The following SYTL5 variants were observed in gnomAD, a reference collection of about 807,000 sequenced individuals.
The protein encoded by SYTL5 is synaptotagmin like 5, also known as synaptotagmin-like protein 5.
A neutral mutation model predicts 55.9 loss-of-function variants in SYTL5; 34 were observed. The ratio of observed to expected loss-of-function variants is 0.61; its 90% CI spans 0.46 to 0.81. The LOEUF is 0.81. Among genes scored for constraint, SYTL5 ranks in the 30% least tolerant of loss-of-function variants. The pLI, the probability that SYTL5 is intolerant of heterozygous loss-of-function variation, is 0.00. For synonymous variants in SYTL5, 221 were observed against 188.7 expected (o/e 1.17, Z -1.40); for missense variants, 637 against 546.7 (o/e 1.17, Z -1.65).
At chrX:37,987,506 T>C in the SYTL5 span, among the ~76,000 whole-genome samples, 2 of 112,454 alleles carry the variant, frequency 1.8e-5, no homozygotes, top group South Asian at 7.4e-4. Context: ...AAGGATGAGA[T>C]AGATAATGCC....
chrX:38,124,362 G>A (rs746029870), intron 15 of SYTL5, among the ~76,000 whole-genome samples: 1 of 111,527 alleles, frequency 9.0e-6, no homozygotes, highest in South Asian at 3.7e-4. Context: ...GTCTTTGCTT[G>A]GTACATGAAA....
intron 2 of SYTL5, among the ~76,000 whole-genome samples, chrX:38,038,231 C>A (rs186968985): frequency 7.2e-5 from 8 of 111,855 alleles, no homozygotes; most frequent in Admixed American, 4.7e-4. Context: ...TAAGTTGATA[C>A]AAATAATTAA....
the SYTL5 span, among the ~76,000 whole-genome samples, chrX:37,955,061 C>T: frequency 0.36 from 39,553 of 109,524 alleles, 5,171 homozygotes; most frequent in East Asian, 0.6. Context: ...TTACCACTAA[C>T]GAGATACGAG....
chrX:38,078,583 A>G (rs1465674140), intron 6 of SYTL5, among the ~76,000 whole-genome samples: 1 of 112,149 alleles, frequency 8.9e-6, no homozygotes, highest in Non-Finnish European at 1.9e-5. Context: ...AAAGAAAAAA[A>G]AAAGGCTGCC....
At chrX:37,945,019 A>G in the SYTL5 span, among the ~76,000 whole-genome samples, 9 of 113,080 alleles carry the variant, frequency 8.0e-5, no homozygotes, top group African/African-American at 2.9e-4. Context: ...TGCATTCTGC[A>G]ACTACTCTTA....
the SYTL5 span, among the ~76,000 whole-genome samples, chrX:37,976,457 T>C: frequency 8.9e-6 from 1 of 111,781 alleles, no homozygotes. Context: ...GCTTCTTCTA[T>C]GGTGATCAAG....
At chrX:38,115,820 C>T (rs1203737991) in intron 13 of SYTL5, among the ~76,000 whole-genome samples, 2 of 111,614 alleles carry the variant, frequency 1.8e-5, no homozygotes, top group Non-Finnish European at 3.8e-5. Context: ...CATGTATCTT[C>T]GATATTAAAT....
chrX:38,110,649 C>A (rs1020715619), intron 13 of SYTL5, among the ~76,000 whole-genome samples, 167 bp downstream of exon 13: 1 of 111,783 alleles, frequency 8.9e-6, no homozygotes, highest in Non-Finnish European at 1.9e-5. Context: ...GTAAATCCAC[C>A]GTTTTGGAAA....
chrX:38,031,613 A>T (rs954238217), intron 1 of SYTL5, among the ~76,000 whole-genome samples: 1 of 112,222 alleles, frequency 8.9e-6, no homozygotes, highest in Admixed American at 9.4e-5. Context: ...CAAACACAAA[A>T]TATGTCTTCA....
At chrX:38,075,192 C>A (rs1354293360) in intron 5 of SYTL5, among the ~76,000 whole-genome samples, 1 of 111,586 alleles carries the variant, frequency 9.0e-6, no homozygotes, top group Non-Finnish European at 1.9e-5. Flanking sequence ...TATGCAAATT[C>A]TGAATCATTG....
the SYTL5 span, among the ~76,000 whole-genome samples, chrX:37,953,226 T>G: frequency 8.9e-6 from 1 of 111,778 alleles, no homozygotes; most frequent in South Asian, 3.7e-4. Context: ...TCTGGTGATA[T>G]AGACTTGGGA....
At chrX:37,979,982 G>A in the SYTL5 span, among the ~76,000 whole-genome samples, 2 of 109,246 alleles carry the variant, frequency 1.8e-5, no homozygotes, top group East Asian at 2.9e-4. Context: ...GACAGGCCCC[G>A]GTGTGTTATA....
chrX:37,949,477 T>G, the SYTL5 span: 1 of 112,029 alleles, frequency 8.9e-6, no homozygotes, highest in African/African-American at 3.2e-5. Context: ...TATTGCTTGC[T>G]GCCCAAAGCA....
intron 6 of SYTL5, among the ~76,000 whole-genome samples, chrX:38,078,841 A>C (rs1461149812): frequency 8.9e-6 from 1 of 112,482 alleles, no homozygotes; most frequent in Non-Finnish European, 1.9e-5. Flanking sequence ...AAGCTGAAAG[A>C]AAGTCCCTAA....
At chrX:38,056,586 G>T (rs1935790881) in intron 3 of SYTL5, among the ~76,000 whole-genome samples, 1 of 111,750 alleles carries the variant, frequency 8.9e-6, no homozygotes, top group South Asian at 3.7e-4. Context: ...CCAACAGTGT[G>T]TGAGAGTTCC....
At chrX:38,085,137 TA>T (rs1288308584) in intron 6 of SYTL5, among the ~76,000 whole-genome samples, 1,410 of 105,541 alleles carry the variant, frequency 0.013, 19 homozygotes, top group African/African-American at 0.045. Context: ...ACTGTTGAAT[TA>T]AAAAAAAAAA....
chrX:38,095,766 A>T (rs1936918847), intron 8 of SYTL5, among the ~76,000 whole-genome samples: 1 of 90,331 alleles, frequency 1.1e-5, no homozygotes, highest in Non-Finnish European at 2.1e-5. Flanking sequence ...AAGAATTGTT[A>T]ATGTTTTTTT....
At chrX:37,910,104 G>A in the SYTL5 span, among the ~76,000 whole-genome samples, 1 of 111,702 alleles carries the variant, frequency 9.0e-6, no homozygotes, top group East Asian at 2.8e-4. Context: ...CCTGAGTTTG[G>A]AAACTATATT....
chrX:38,088,687 A>G (rs1936718275), intron 6 of SYTL5, among the ~76,000 whole-genome samples: 1 of 112,522 alleles, frequency 8.9e-6, no homozygotes, highest in Admixed American at 9.4e-5. Context: ...ACATTTATTA[A>G]ATGTGCACCA....
Sources: gnomAD v4.1 joint callset for allele counts (sites outside exome capture counted in the v4.1 genomes callset) on GRCh38, gnomAD v4.1.1 for gene constraint, MANE v1.5 for transcripts, NCBI Gene and HGNC (gene_info 2026-07-23, HGNC 2026-07-21) for gene names.